CUBN: variants seen among roughly 807,000 people sequenced by gnomAD.
CUBN encodes the protein 460 kDa receptor.
Under a neutral mutation model 405.3 loss-of-function variants are expected in CUBN, and 282 were observed. The ratio of observed to expected loss-of-function variants is 0.70; its 90% CI spans 0.63 to 0.77. The LOEUF (loss-of-function observed/expected upper bound fraction) is 0.77. CUBN is among the 30% of genes least tolerant of loss of function. The pLI, the probability that CUBN is intolerant of heterozygous loss-of-function variation, is 0.00. For missense variants in CUBN, 4,514 were observed against 4,475.2 expected (o/e 1.01, Z -0.25); for synonymous variants, 1,684 against 1,617.0 (o/e 1.04, Z -0.99).
In CUBN at chr10:17,104,427, G is replaced by A. The variant is rs756461448; in HGVS notation, c.1409C>T (p.Pro470Leu). 9.9e-6 allele frequency: 16 copies of A among 1,613,848 alleles called. No homozygotes were observed. The East Asian group carries it at 3.1e-4, about 31-fold the overall frequency. The change falls in exon 12 of 67, where the codon CCT (proline) becomes CTT (leucine). Residue 470 changes from proline (P) to leucine (L), a missense_variant. This residue lies in a region of CUBN where 1,448 missense variants were observed against 1,388.0 expected (regional missense o/e 1.04). Coordinates refer to ENST00000377833, the MANE Select transcript of CUBN (RefSeq NM_001081.4). ...AGAAATGCTGACTGTACCTTGCTGA[G>A]GAACCTGACAGAGAGCTCCAGTCCA... ...RLWTGALCQV[P>L]QQVCGESLSG...
intron 31 of CUBN, among the ~76,000 whole-genome samples, chr10:16,967,609 T>C (rs1843427552): frequency 6.6e-6 from 1 of 151,388 alleles, no homozygotes; most frequent in Non-Finnish European, 1.5e-5. Context: ...AAAAAGATCA[T>C]CCTCAAGTAT....
At chr10:16,919,930 G>T in intron 44 of CUBN, 33 bp downstream of exon 44, 2 of 1,605,708 alleles carry the variant, frequency 1.2e-6, no homozygotes, top group Non-Finnish European at 1.7e-6. Context: ...ACTAACTTGG[G>T]GTAGGAAAAA....
At chr10:16,954,919 A>C (rs1843010187) in intron 31 of CUBN, among the ~76,000 whole-genome samples, 1 of 152,196 alleles carries the variant, frequency 6.6e-6, no homozygotes, top group Non-Finnish European at 1.5e-5. Context: ...GACGAGAAAT[A>C]ATGATGAGTG....
At chr10:16,829,066 T>C in intron 65 of CUBN, 26 bp from the exon 66 acceptor site, 3 of 1,580,428 alleles carry the variant, frequency 1.9e-6, no homozygotes, top group Non-Finnish European at 2.6e-6. Context: ...GACAGGAAGT[T>C]TGATTCAACA....
intron 66 of CUBN, among the ~76,000 whole-genome samples, chr10:16,827,887 C>A (rs1280770965): frequency 2.0e-5 from 3 of 152,120 alleles, no homozygotes; most frequent in Non-Finnish European, 2.9e-5. Context: ...AGGTGTGAGC[C>A]CTTACTCTCT....
intron 15 of CUBN, among the ~76,000 whole-genome samples, chr10:17,087,343 C>T (rs568653940): frequency 6.8e-4 from 104 of 152,186 alleles, no homozygotes; most frequent in African/African-American, 2.3e-3. Context: ...TCTCCTCCTC[C>T]ATATTTTAAT....
chr10:16,918,397 ATAAT>A (rs937349910), intron 45 of CUBN, among the ~76,000 whole-genome samples: 4 of 152,252 alleles, frequency 2.6e-5, no homozygotes, highest in Middle Eastern at 6.8e-3. Flanking sequence ...GGCCATTTTA[ATAAT>A]ATTGATTCTT....
chr10:17,016,729 C>T (rs186159473), intron 28 of CUBN, among the ~76,000 whole-genome samples: 214 of 152,104 alleles, frequency 1.4e-3, no homozygotes, highest in African/African-American at 5.1e-3. Flanking sequence ...TGCTTATTTC[C>T]TTCTGGGTGG....
In CUBN at chr10:16,869,929, A is replaced by G; in HGVS notation, c.9237-76T>C. The G allele has an allele frequency of 6.4e-6, 7 of 1,097,428 alleles. No homozygotes were observed. The South Asian group carries it at 9.1e-5, about 14-fold the overall frequency. The allele number at this position is 1,097,428 out of a possible 1,614,324, so 68.0% of individuals were successfully genotyped here. On this transcript the variant is annotated intron_variant, in intron 58 of 66. Coordinates refer to ENST00000377833, the MANE Select transcript of CUBN (RefSeq NM_001081.4). ...AATTGTAGCTTTAGCTCTTGCAAAA[A>G]AAATGACAAGGAAAAAACTACCAGT...
At position 16,899,056 on chromosome 10, in the gene CUBN, G is replaced by A; in HGVS notation, c.8538C>T (p.Ser2846=). The A allele has an allele frequency of 1.9e-6, 3 of 1,613,662 alleles. No homozygotes were observed. The highest frequency in any genetic ancestry group is 2.7e-5 in the African/African-American group (2 of 75,034). The change falls in exon 54 of 67, where the codon AGC becomes AGT. Residue 2846 remains serine (S), a synonymous_variant. Coordinates refer to ENST00000377833, the MANE Select transcript of CUBN (RefSeq NM_001081.4). Reference sequence around the variant, plus strand: ...TGGGGATTAGGAAGTTGTTGTCAAAGCTGATCTCCAAGTGTTTACTTTTGT... The same window carrying A: ...TGGGGATTAGGAAGTTGTTGTCAAAACTGATCTCCAAGTGTTTACTTTTGT... ...ITHKSKHLEI[S]FDNNFLIPSG... is the part of the protein sequence containing the mutation.
At chr10:17,002,427 T>G (rs1833918474) in intron 28 of CUBN, among the ~76,000 whole-genome samples, 1 of 151,566 alleles carries the variant, frequency 6.6e-6, no homozygotes, top group African/African-American at 2.4e-5. Context: ...AATCTGTGAT[T>G]TGGGAAGGTC....
intron 22 of CUBN, among the ~76,000 whole-genome samples, chr10:17,062,541 A>T (rs542449587): frequency 6.6e-6 from 1 of 152,322 alleles, no homozygotes; most frequent in South Asian, 2.1e-4. Flanking sequence ...AACCTGTTAA[A>T]CCTGTACTTG....
At chr10:17,042,441 A>C (rs1835040664) in intron 26 of CUBN, among the ~76,000 whole-genome samples, 1 of 152,160 alleles carries the variant, frequency 6.6e-6, no homozygotes, top group Non-Finnish European at 1.5e-5. Flanking sequence ...AATTTTACAG[A>C]TAATCTCACT....
intron 29 of CUBN, among the ~76,000 whole-genome samples, chr10:16,985,380 G>C (rs769899395): frequency 2.6e-5 from 4 of 152,166 alleles, no homozygotes; most frequent in Non-Finnish European, 4.4e-5. Context: ...ACTCTATGGG[G>C]AAGATCATCT....
At position 16,952,312 on chromosome 10, in the gene CUBN, G is replaced by C; in HGVS notation, c.4933C>G (p.Gln1645Glu). 6.2e-7 allele frequency: 1 copy of C among 1,613,862 alleles called. No individual in the cohort carries two copies. Among genetic ancestry groups the C allele is most frequent in the Non-Finnish European group, 8.5e-7 (1 of 1,179,834 alleles). Reference protein sequence around the residue: ...PRFPANYPNNQNCSWIIQAQP... With the variant: ...PRFPANYPNNENCSWIIQAQP... ...GCTTGAATGATCCAGCTGCAGTTCT[G>C]ATTGTTTGGATAATTGGCAGGGAAC... Residue 1645 changes from glutamine to glutamate, a missense_variant, in exon 33 of 67, where the codon CAG becomes GAG. Gln to Glu is a conservative substitution (Grantham distance 29). Coordinates refer to ENST00000377833, the MANE Select transcript of CUBN (RefSeq NM_001081.4).
At chr10:16,838,363 G>C (rs1839237595) in intron 62 of CUBN, among the ~76,000 whole-genome samples, 2 of 152,162 alleles carry the variant, frequency 1.3e-5, no homozygotes, top group Admixed American at 1.3e-4. Context: ...CATTTTACTG[G>C]AATGAACTGG....
intron 54 of CUBN, among the ~76,000 whole-genome samples, chr10:16,897,775 A>T (rs1841231998): frequency 6.6e-6 from 1 of 152,126 alleles, no homozygotes; most frequent in African/African-American, 2.4e-5. Context: ...TCTCGGGCCC[A>T]TTAGGAGAAG....
At chr10:16,872,426 T>C (rs961145555) in intron 58 of CUBN, among the ~76,000 whole-genome samples, 1 of 151,714 alleles carries the variant, frequency 6.6e-6, no homozygotes, top group Non-Finnish European at 1.5e-5. Context: ...ATGTATACCA[T>C]GGTTGGAATG....
chr10:17,040,822 C>T (rs1293136916), intron 27 of CUBN, among the ~76,000 whole-genome samples: 3 of 152,116 alleles, frequency 2.0e-5, no homozygotes, highest in Non-Finnish European at 4.4e-5. Flanking sequence ...AGAAGTTACA[C>T]TGAAACCTAA....
Sources: allele counts gnomAD v4.1 joint callset (sites outside exome capture counted in the v4.1 genomes callset), GRCh38; gene constraint gnomAD v4.1.1; regional missense constraint gnomAD v4.1.1; transcripts MANE v1.5; gene names NCBI Gene and HGNC (gene_info 2026-07-23, HGNC 2026-07-21).